HLX: variants seen among roughly 807,000 people sequenced by gnomAD.
The protein encoded by HLX is H2.0-like homeobox protein.
In HLX, 6 loss-of-function variants were observed where a neutral mutation model predicts 27.7. The observed-to-expected ratio is 0.22, with a 90% CI of 0.12 to 0.43. HLX has a LOEUF of 0.43. Ranked by LOEUF, HLX falls within the 20% of genes least tolerant of loss-of-function variation. HLX has a pLI of 1.00. For missense variants in HLX, 666 were observed against 655.2 expected (o/e 1.02, Z -0.18); for synonymous variants, 328 against 293.8 (o/e 1.12, Z -1.19).
At chr1:220,881,836 T>C (rs1674452852) in intron 2 of HLX, 1 of 422,692 alleles carries the variant, frequency 2.4e-6, no homozygotes, top group African/African-American at 2.1e-5. Flanking sequence ...TTCAGGGCTG[T>C]CATCATTCAG....
chr1:220,884,341 C>A lies in HLX; in HGVS notation c.1104C>A (p.Ser368Arg). Residue 368 changes from serine (S) to arginine (R), a missense_variant, in exon 4 of 4, where the codon AGC becomes AGA. Transcript: ENST00000366903. The surrounding 1 kb of genome is among the most constrained non-coding windows in gnomAD (Gnocchi z 4.9). ...ADGEQDERSP[S>R]RSEGEAESES... Reference sequence around the variant, plus strand: ...GCGAGCAGGACGAGAGGAGCCCCAGCCGTTCTGAAGGCGAGGCTGAGAGCG... The same window carrying A: ...GCGAGCAGGACGAGAGGAGCCCCAGACGTTCTGAAGGCGAGGCTGAGAGCG... 4 of 1,614,020 alleles carry A rather than the reference C, an allele frequency of 2.5e-6. No individual in the cohort carries two copies. The South Asian group carries it at 4.4e-5, about 18-fold the overall frequency.
In HLX at chr1:220,884,393, A is replaced by G. The variant is rs757128468; in HGVS notation, c.1156A>G (p.Met386Val). 6.1e-5 allele frequency: 98 copies of G among 1,614,026 alleles called. No homozygotes were observed. Among genetic ancestry groups the G allele is most frequent in the Non-Finnish European group, 8.1e-5 (96 of 1,180,018 alleles). The change falls in exon 4 of 4, where the codon ATG (methionine) becomes GTG (valine). Residue 386 changes from methionine (M) to valine (V), a missense_variant. Physicochemically the swap from Met to Val is conservative, Grantham distance 21 (BLOSUM62 1). Coordinates refer to ENST00000366903, the MANE Select transcript of HLX (RefSeq NM_021958.4). The surrounding 1 kb of genome is among the most constrained non-coding windows in gnomAD (Gnocchi z 4.9). Reference sequence around the variant, plus strand: ...GAGCAGCGACTCCGAGTCCCTGGACATGGCCCCCAGCGACACGGAGCGGAC... The same window carrying G: ...GAGCAGCGACTCCGAGTCCCTGGACGTGGCCCCCAGCGACACGGAGCGGAC... ...SESSDSESLDMAPSDTERTEG... is the reference protein window; with the variant it reads ...SESSDSESLDVAPSDTERTEG...
Position 220,884,140 on chromosome 1 carries a change from A to G in HLX, c.958-55A>G. 1 of 1,588,214 alleles carries G rather than the reference A, an allele frequency of 6.3e-7. No homozygotes were observed. The highest frequency in any genetic ancestry group is 8.6e-7 in the Non-Finnish European group (1 of 1,158,408). ...GGGTGCACGCGAGTCGGATAGGAGC[A>G]AACCTGGGTCTCATCTCGGTGTCTC... On this transcript the variant is annotated intron_variant, in intron 3 of 3. Transcript: ENST00000366903. The surrounding 1 kb of genome is among the most constrained non-coding windows in gnomAD (Gnocchi z 4.9).
chr1:220,881,070 C>G (rs1674424684), intron 1 of HLX, 124 bp from the exon 2 acceptor site: 3 of 876,036 alleles, frequency 3.4e-6, no homozygotes, highest in African/African-American at 1.7e-5. Flanking sequence ...AGCGCCTAGA[C>G]GGGTTCTCTC....
Position 220,884,740 on chromosome 1 carries a change from G to A in HLX, c.*36G>A. Reference sequence around the variant, plus strand: ...GGCGGAGGGGATCCGGGCCTTGCGTGCAGCCTCCCAACCATGGGCTGGGTT... The same window carrying A: ...GGCGGAGGGGATCCGGGCCTTGCGTACAGCCTCCCAACCATGGGCTGGGTT... On this transcript the variant is annotated 3_prime_UTR_variant, in exon 4 of 4. Transcript: ENST00000366903. The surrounding 1 kb of genome is among the most constrained non-coding windows in gnomAD (Gnocchi z 4.9). The A allele has an allele frequency of 6.3e-7, 1 of 1,597,820 alleles. No homozygotes were observed. Among genetic ancestry groups the A allele is most frequent in the Non-Finnish European group, 8.5e-7 (1 of 1,177,200 alleles).
At chr1:220,880,859 C>T (rs961173988) in intron 1 of HLX, 4 of 408,620 alleles carry the variant, frequency 9.8e-6, no homozygotes, top group African/African-American at 8.1e-5. Flanking sequence ...TAAACAAAAC[C>T]GCCTAGATGA....
chr1:220,881,303 T>G lies in HLX; in HGVS notation c.702T>G (p.Ser234=). 1 of 1,614,132 alleles carries G rather than the reference T, an allele frequency of 6.2e-7. No individual in the cohort carries two copies. Among genetic ancestry groups the G allele is most frequent in the Non-Finnish European group, 8.5e-7 (1 of 1,179,932 alleles). ...FASLDPINEA[S]AILSPLNSNP... ...CTCTAGATCCCATTAACGAGGCTTC[T>G]GCAATCCTGAGTCCCTTAAACTCGA... The change falls in exon 2 of 4, where the codon TCT becomes TCG. Residue 234 remains serine (S), a synonymous_variant. Transcript: ENST00000366903.
chr1:220,884,098 T>G lies in HLX; in HGVS notation c.958-97T>G. 1 of 1,276,296 alleles carries G rather than the reference T, an allele frequency of 7.8e-7. No homozygotes were observed. Among genetic ancestry groups the G allele is most frequent in the Non-Finnish European group, 1.1e-6 (1 of 884,080 alleles). The allele number at this position is 1,276,296 out of a possible 1,614,324, so 79.1% of individuals were successfully genotyped here. On this transcript the variant is annotated intron_variant, in intron 3 of 3. Transcript: ENST00000366903. The surrounding 1 kb of genome is among the most constrained non-coding windows in gnomAD (Gnocchi z 4.9). Reference sequence around the variant, plus strand: ...CGCCAAGTAAGCGTTGCTTTTTCACTCAGGGAGGTGGCTTGAGGGTGCACG... The same window carrying G: ...CGCCAAGTAAGCGTTGCTTTTTCACGCAGGGAGGTGGCTTGAGGGTGCACG...
chr1:220,879,813 C>T lies in HLX; in HGVS notation c.-45C>T, dbSNP rs753556279. ...CGCCCCTCCCCGCGCGCCCACCCAC[C>T]CAGTCCGGCTGGACTGCGGCAGCCG... On this transcript the variant is annotated 5_prime_UTR_variant, in exon 1 of 4. Transcript: ENST00000366903. The T allele has an allele frequency of 3.1e-5, 47 of 1,529,378 alleles. No individual in the cohort carries two copies. The African/African-American group carries it at 5.7e-4, about 19-fold the overall frequency. The allele number at this position is 1,529,378 out of a possible 1,614,324, so 94.7% of individuals were successfully genotyped here.
At chr1:220,880,899 A>C (rs1348735545) in intron 1 of HLX, 2 of 441,874 alleles carry the variant, frequency 4.5e-6, no homozygotes, top group African/African-American at 4.0e-5. Flanking sequence ...CTTGGGGCGG[A>C]GGTTTTGCGT....
At position 220,884,438 on chromosome 1, in the gene HLX, C is replaced by A. The variant is rs758136561; in HGVS notation, c.1201C>A (p.Leu401Met). 6.2e-7 allele frequency: 1 copy of A among 1,614,178 alleles called. No homozygotes were observed. The highest frequency in any genetic ancestry group is 8.5e-7 in the Non-Finnish European group (1 of 1,180,028). ...TERTEGSERS[L>M]HQTTVIKAPV... ...GCGGACTGAGGGGAGTGAGCGTTCT[C>A]TGCACCAAACAACAGTTATTAAGGC... is the stretch of plus-strand genomic sequence containing the variant. Residue 401 changes from leucine (L) to methionine (M), a missense_variant, in exon 4 of 4, where the codon CTG (leucine) becomes ATG (methionine). Leu to Met is a conservative substitution (Grantham distance 15). Coordinates refer to ENST00000366903, the MANE Select transcript of HLX (RefSeq NM_021958.4). The surrounding 1 kb of genome is among the most constrained non-coding windows in gnomAD (Gnocchi z 4.9).
At position 220,880,460 on chromosome 1, in the gene HLX, G is replaced by T. The variant is rs1674401558; in HGVS notation, c.592+11G>T. On this transcript the variant is annotated intron_variant, in intron 1 of 3. Transcript: ENST00000366903. ...GCAACACGCTGAGAGGTAGGTCTTG[G>T]GCGGGAGGCTGCAGGCCTCTGACCA... 6.2e-7 allele frequency: 1 copy of T among 1,613,128 alleles called. No homozygotes were observed. The highest frequency in any genetic ancestry group is 8.5e-7 in the Non-Finnish European group (1 of 1,180,020).
chr1:220,882,157 GC>G lies in HLX; in HGVS notation c.773-6del. The G allele has an allele frequency of 6.2e-7, 1 of 1,613,974 alleles. No individual in the cohort carries two copies. The highest frequency in any genetic ancestry group is 8.5e-7 in the Non-Finnish European group (1 of 1,179,964). On this transcript the variant is annotated splice_region_variant and splice_polypyrimidine_tract_variant and intron_variant, in intron 2 of 3. Transcript: ENST00000366903. ...CTTTCTTCCCTCTGGCTCCCGTTCT[GC>G]GGCAGGTCCCTATGCTGTGCTCACG...
Position 220,880,251 on chromosome 1 carries a change from C to G in HLX, c.394C>G (p.Gln132Glu). The G allele has an allele frequency of 6.2e-7, 1 of 1,613,058 alleles. No homozygotes were observed. The highest frequency in any genetic ancestry group is 8.5e-7 in the Non-Finnish European group (1 of 1,179,332). The change falls in exon 1 of 4, where the codon CAG (glutamine) becomes GAG (glutamate). Residue 132 changes from glutamine (Q) to glutamate (E), a missense_variant. Transcript: ENST00000366903. ...CCCGCAACAACAACAGCAGCAGCAA[C>G]AGCCGCAGCAGCAACAGCCTCCGCC... ...HHPQQQQQQQQPQQQQPPPPP... is the reference protein window; with the variant it reads ...HHPQQQQQQQEPQQQQPPPPP...
chr1:220,879,578 C>T lies in HLX; in HGVS notation c.-280C>T. 1 of 488,764 alleles carries T rather than the reference C, an allele frequency of 2.0e-6. No individual in the cohort carries two copies. Among genetic ancestry groups the T allele is most frequent in the African/African-American group, 2.0e-5 (1 of 48,852 alleles). The allele number at this position is 488,764 out of a possible 1,614,324, so 30.3% of individuals were successfully genotyped here. A position where few individuals can be genotyped will look rare whatever the true frequency, so the allele number is the denominator to read the frequency against. ...GGCTCCCCCGCCCGCCCTGCGGCCC[C>T]AGCGCCCCTCGCTCTCATCCAGCCC... On this transcript the variant is annotated 5_prime_UTR_variant, in exon 1 of 4. Coordinates refer to ENST00000366903, the MANE Select transcript of HLX (RefSeq NM_021958.4).
chr1:220,883,978 G>A (rs1044793160), intron 3 of HLX: 1 of 601,432 alleles, frequency 1.7e-6, no homozygotes. Context: ...AACGGTCTTA[G>A]TGGGTTCCCT....
intron 1 of HLX, chr1:220,880,748 T>A (rs902125018): frequency 2.0e-6 from 1 of 491,296 alleles, no homozygotes; most frequent in African/African-American, 1.9e-5. Context: ...ATAATGTATC[T>A]AGAGACAGAA....
intron 2 of HLX, chr1:220,881,684 C>T (rs1674448939): frequency 2.2e-6 from 1 of 455,568 alleles, no homozygotes; most frequent in Admixed American, 3.4e-5. Context: ...TGCTTATTAG[C>T]ATATACACAT....
intron 1 of HLX, chr1:220,880,912 G>C: frequency 2.2e-6 from 1 of 459,096 alleles, no homozygotes. Flanking sequence ...TTTTGCGTCT[G>C]TGGCGTTCTT....
Sources: allele counts gnomAD v4.1 joint callset, GRCh38; gene constraint gnomAD v4.1.1; non-coding constraint Gnocchi (gnomAD v3.1); transcripts MANE v1.5; gene names NCBI Gene and HGNC (gene_info 2026-07-23, HGNC 2026-07-21).